Variants in ZWILCH observed in about 807,000 individuals in gnomAD.
ZWILCH encodes protein zwilch homolog.
ZWILCH carries 74 observed loss-of-function variants against 79.9 expected under a neutral mutation model. The observed-to-expected ratio is 0.93, with a 90% CI of 0.77 to 1.12. ZWILCH has a LOEUF of 1.12. Among genes scored for constraint, ZWILCH ranks in the 50% most tolerant of loss-of-function variants. The probability of loss-of-function intolerance (pLI) is 0.00; values close to 1 mark genes in which losing one functional copy is unlikely to be tolerated. For synonymous variants in ZWILCH, 241 were observed against 228.2 expected, an observed-to-expected ratio of 1.06 and a Z score of -0.51; for missense variants, 694 against 687.5, an observed-to-expected ratio of 1.01 and a Z score of -0.11.
intron 16 of ZWILCH, among the ~76,000 whole-genome samples, chr15:66,539,138 C>G (rs1433914028): frequency 6.6e-6 from 1 of 152,104 alleles, no homozygotes; most frequent in African/African-American, 2.4e-5. Flanking sequence ...TAATCTCTAT[C>G]TAATGGCCAA....
At chr15:66,517,460 A>G (rs1894325633) in intron 4 of ZWILCH, among the ~76,000 whole-genome samples, 2 of 139,868 alleles carry the variant, frequency 1.4e-5, no homozygotes, top group Non-Finnish European at 1.5e-5. Context: ...ATATATAGTA[A>G]TGTACACACA....
At chr15:66,540,834 G>C (rs757190659) in intron 17 of ZWILCH, among the ~76,000 whole-genome samples, 1 of 150,436 alleles carries the variant, frequency 6.6e-6, no homozygotes, top group Non-Finnish European at 1.5e-5. Context: ...TTACCATGTT[G>C]GCCAGGCTGG....
At position 66,522,559 on chromosome 15, in the gene ZWILCH, C is replaced by T. The variant is rs1421154146; in HGVS notation, c.748-1118C>T. Among the ~76,000 whole-genome samples the T allele has an allele frequency of 4.5e-4, 68 of 151,320 alleles. 1 individual carries two copies. The highest frequency in any genetic ancestry group is 4.5e-3 in the Admixed American group (68 of 15,182). On this transcript the variant is annotated intron_variant, in intron 7 of 18. Coordinates refer to ENST00000307897, the MANE Select transcript of ZWILCH (RefSeq NM_017975.5). ...TTCACCATGTTGGCCAGGCTGGTCT[C>T]GAAATCCCAAAGTGCTGGGATTACA...
intron 14 of ZWILCH, 97 bp downstream of exon 14, chr15:66,533,110 G>A: frequency 1.3e-6 from 1 of 765,742 alleles, no homozygotes; most frequent in East Asian, 3.0e-5. Flanking sequence ...CACTGTCTTA[G>A]GTCCTGGGAA....
intron 12 of ZWILCH, among the ~76,000 whole-genome samples, chr15:66,529,918 G>A (rs1894808702): frequency 6.6e-6 from 1 of 152,184 alleles, no homozygotes; most frequent in African/African-American, 2.4e-5. Context: ...TGATGAGAAT[G>A]CAAGTTGAGA....
chr15:66,518,351 C>T (rs1287849731), intron 4 of ZWILCH, among the ~76,000 whole-genome samples: 8 of 138,142 alleles, frequency 5.8e-5, no homozygotes, highest in South Asian at 2.4e-4. Flanking sequence ...TGCAGTGGTG[C>T]GATCTGGGCT....
chr15:66,527,706 T>C, intron 9 of ZWILCH, 151 bp from the exon 10 acceptor site: 1 of 683,112 alleles, frequency 1.5e-6, no homozygotes, highest in South Asian at 1.9e-5. Context: ...CTGATGGATA[T>C]CTATTATAAT....
intron 12 of ZWILCH, among the ~76,000 whole-genome samples, chr15:66,530,836 C>T (rs549777073): frequency 6.6e-6 from 1 of 152,202 alleles, no homozygotes; most frequent in South Asian, 2.1e-4. Context: ...AGGTACATTC[C>T]AGAGTAAAGG....
chr15:66,520,578 C>A lies in ZWILCH; in HGVS notation c.521-12C>A. 1 of 1,377,078 alleles carries A rather than the reference C, an allele frequency of 7.3e-7. No homozygotes were observed. Among genetic ancestry groups the A allele is most frequent in the Non-Finnish European group, 1.0e-6 (1 of 979,876 alleles). The allele number at this position is 1,377,078 out of a possible 1,614,324, so 85.3% of individuals were successfully genotyped here. On this transcript the variant is annotated splice_polypyrimidine_tract_variant and intron_variant, in intron 5 of 18. Transcript: ENST00000307897. ...GTTGTGCCTTTACATTTCTTTCTTT[C>A]ATTTCCTATAGCTGATAAAAATTAT...
At chr15:66,514,155 C>A (rs937722999) in intron 3 of ZWILCH, 72 bp downstream of exon 3, 2 of 1,030,826 alleles carry the variant, frequency 1.9e-6, no homozygotes, top group South Asian at 3.1e-5. Flanking sequence ...AATAATCTAA[C>A]GTACACGTTT....
chr15:66,533,309 G>A (rs1453575827), intron 14 of ZWILCH, among the ~76,000 whole-genome samples: 1 of 152,142 alleles, frequency 6.6e-6, no homozygotes, highest in African/African-American at 2.4e-5. Context: ...GCCTTTCTTT[G>A]ATAGGTTCTG....
At position 66,549,789 on chromosome 15, in the gene ZWILCH, T is replaced by C. The variant is rs1895529029; in HGVS notation, c.*1465T>C. On this transcript the variant is annotated 3_prime_UTR_variant, in exon 19 of 19. Coordinates refer to ENST00000307897, the MANE Select transcript of ZWILCH (RefSeq NM_017975.5). Reference sequence around the variant, plus strand: ...AACAAAAATAGTAGGTATATAAATTTATAGGTATGATTCTGAAAGAATAAA... The same window carrying C: ...AACAAAAATAGTAGGTATATAAATTCATAGGTATGATTCTGAAAGAATAAA... 3.2e-6 allele frequency: 1 copy of C among 312,002 alleles called. No homozygotes were observed. The highest frequency in any genetic ancestry group is 5.8e-6 in the Non-Finnish European group (1 of 172,058). 19.3% of individuals were successfully genotyped at this position (312,002 alleles called of 1,614,324 possible). A position where few individuals can be genotyped will look rare whatever the true frequency, so the allele number is the denominator to read the frequency against.
chr15:66,535,403 C>T (rs150308683), intron 14 of ZWILCH, among the ~76,000 whole-genome samples: 70 of 152,202 alleles, frequency 4.6e-4, no homozygotes, highest in Admixed American at 1.1e-3. Context: ...AGGCCGGGCG[C>T]GGTGGTTTAC....
intron 17 of ZWILCH, among the ~76,000 whole-genome samples, chr15:66,541,307 C>T (rs1029886680): frequency 4.6e-5 from 7 of 152,008 alleles, no homozygotes; most frequent in African/African-American, 9.6e-5. Context: ...CACACACACA[C>T]GCACACGCAC....
At position 66,516,755 on chromosome 15, in the gene ZWILCH, C is replaced by G. The variant is rs1894278316; in HGVS notation, c.320+1111C>G. 5.9e-5 allele frequency among the ~76,000 whole-genome samples: 9 copies of G among 152,314 alleles called. No homozygotes were observed. In the South Asian group the frequency reaches 1.9e-3, roughly 32 times the overall value. ...CTCTCACCTCAGGTGATCCACCTGC[C>G]TTAGCCTCCCAATGTGCTGGGATTA... On this transcript the variant is annotated intron_variant, in intron 4 of 18. Coordinates refer to ENST00000307897, the MANE Select transcript of ZWILCH (RefSeq NM_017975.5).
intron 8 of ZWILCH, among the ~76,000 whole-genome samples, chr15:66,526,473 CT>C (rs146092879): frequency 0.076 from 11,268 of 148,424 alleles, 1,408 homozygotes; most frequent in African/African-American, 0.26. Context: ...CTTTTTCTTT[CT>C]TTTTTTTTTG....
rs779289377 is a variant in ZWILCH, at chr15:66,515,504, ATAAT to A, written c.202-18_202-15del. On this transcript the variant is annotated intron_variant, in intron 3 of 18. Coordinates refer to ENST00000307897, the MANE Select transcript of ZWILCH (RefSeq NM_017975.5). ...CCTATATGCTCTTTTGTCTGGTTAA[ATAAT>A]TAAGAACATTTTTAAAGCCTTTAGA... 5.5e-4 allele frequency: 812 copies of A among 1,485,246 alleles called. 6 individuals are homozygous for A. The highest frequency in any genetic ancestry group is 4.0e-3 in the South Asian group (339 of 85,786). 92.0% of individuals were successfully genotyped at this position (1,485,246 alleles called of 1,614,324 possible). A position where few individuals can be genotyped will look rare whatever the true frequency, so the allele number is the denominator to read the frequency against.
At chr15:66,522,927 A>G (rs1366337245) in intron 7 of ZWILCH, among the ~76,000 whole-genome samples, 1 of 151,840 alleles carries the variant, frequency 6.6e-6, no homozygotes, top group African/African-American at 2.4e-5. Flanking sequence ...GGTTCAAGCT[A>G]TTCTCCTGCC....
chr15:66,541,650 T>C (rs1895195817), intron 17 of ZWILCH, among the ~76,000 whole-genome samples: 1 of 152,192 alleles, frequency 6.6e-6, no homozygotes, highest in African/African-American at 2.4e-5. Context: ...TTAGCTAGCC[T>C]ACCAAGTCTT....
Sources: allele counts gnomAD v4.1 joint callset (sites outside exome capture counted in the v4.1 genomes callset), GRCh38; gene constraint gnomAD v4.1.1; transcripts MANE v1.5; gene names NCBI Gene and HGNC (gene_info 2026-07-23, HGNC 2026-07-21).